SUSD1: variants seen among roughly 807,000 people sequenced by gnomAD.
The protein encoded by SUSD1 is sushi domain containing 1.
SUSD1 carries 65 observed loss-of-function variants against 86.9 expected under a neutral mutation model. The ratio of observed to expected loss-of-function variants is 0.75; its 90% CI spans 0.61 to 0.92. SUSD1 has a LOEUF of 0.92. Ranked by LOEUF, SUSD1 falls within the 40% of genes least tolerant of loss-of-function variation. The pLI is 0.00. For missense variants in SUSD1, 850 were observed against 929.7 expected (o/e 0.91, Z 1.11); for synonymous variants, 346 against 350.0 (o/e 0.99, Z 0.13).
At chr9:112,047,851 G>A (rs1828023573) in intron 15 of SUSD1, among the ~76,000 whole-genome samples, 1 of 152,154 alleles carries the variant, frequency 6.6e-6, no homozygotes, top group African/African-American at 2.4e-5. Flanking sequence ...CAGGCCAGAT[G>A]CAGTACTATG....
intron 5 of SUSD1, among the ~76,000 whole-genome samples, chr9:112,125,996 T>C (rs571603812): frequency 4.6e-5 from 7 of 152,288 alleles, no homozygotes; most frequent in Non-Finnish European, 8.8e-5. Context: ...TTCATGCATA[T>C]TCACCAGACA....
intron 1 of SUSD1, among the ~76,000 whole-genome samples, chr9:112,161,249 A>G (rs571144900): frequency 4.6e-5 from 7 of 151,884 alleles, no homozygotes; most frequent in African/African-American, 1.7e-4. Context: ...GCGTGGTGGC[A>G]CACACCTGTA....
intron 5 of SUSD1, among the ~76,000 whole-genome samples, chr9:112,129,682 T>C (rs1831931483): frequency 6.6e-6 from 1 of 152,230 alleles, no homozygotes; most frequent in South Asian, 2.1e-4. Context: ...CTTGCAGATT[T>C]AGTGTCTTTT....
At chr9:112,103,703 G>A (rs1333510655) in intron 8 of SUSD1, among the ~76,000 whole-genome samples, 3 of 152,186 alleles carry the variant, frequency 2.0e-5, no homozygotes, top group East Asian at 3.8e-4. Flanking sequence ...TGGAAAGAAG[G>A]GTCGGTTGCC....
intron 5 of SUSD1, among the ~76,000 whole-genome samples, chr9:112,140,122 G>A (rs1277016748): frequency 7.5e-6 from 1 of 132,554 alleles, no homozygotes; most frequent in East Asian, 1.9e-4. Context: ...CAGCACTTTG[G>A]GAGGCCGAGG....
intron 2 of SUSD1, 89 bp from the exon 3 acceptor site, chr9:112,149,488 G>A: frequency 6.9e-7 from 1 of 1,459,788 alleles, no homozygotes; most frequent in South Asian, 1.3e-5. Flanking sequence ...ATGGACTCGG[G>A]AACCAACGTT....
chr9:112,125,773 G>C (rs1831748009), intron 5 of SUSD1, among the ~76,000 whole-genome samples: 1 of 152,192 alleles, frequency 6.6e-6, no homozygotes, highest in Non-Finnish European at 1.5e-5. Flanking sequence ...CTTGGCCTTA[G>C]AAATAGATGG....
chr9:112,070,091 C>T (rs1829194805), intron 12 of SUSD1, among the ~76,000 whole-genome samples: 2 of 152,070 alleles, frequency 1.3e-5, no homozygotes, highest in South Asian at 2.1e-4. Flanking sequence ...CTGCAGCCTC[C>T]GCCTCCCGGG....
chr9:112,169,223 T>G (rs1034297049), intron 1 of SUSD1: 4 of 152,110 alleles, frequency 2.6e-5, no homozygotes, highest in African/African-American at 9.7e-5. Context: ...ATTCAAATTG[T>G]CATATATTTC....
chr9:112,136,282 G>A (rs935284078), intron 5 of SUSD1, among the ~76,000 whole-genome samples: 2 of 152,234 alleles, frequency 1.3e-5, no homozygotes, highest in Middle Eastern at 3.4e-3. Context: ...TGCCCAGGCT[G>A]GAGTGCAGTG....
chr9:112,121,523 A>C (rs1831554413), intron 6 of SUSD1, among the ~76,000 whole-genome samples: 1 of 152,208 alleles, frequency 6.6e-6, no homozygotes, highest in Admixed American at 6.5e-5. Flanking sequence ...GTGTATGCTA[A>C]ATAGATATCT....
chr9:112,048,664 A>G (rs951707351), intron 15 of SUSD1, among the ~76,000 whole-genome samples: 1 of 152,204 alleles, frequency 6.6e-6, no homozygotes, highest in African/African-American at 2.4e-5. Flanking sequence ...AAACAAGTGC[A>G]CACCCATTGC....
chr9:112,157,272 G>A (rs1319340023), intron 2 of SUSD1, among the ~76,000 whole-genome samples: 1 of 152,200 alleles, frequency 6.6e-6, no homozygotes, highest in East Asian at 1.9e-4. Flanking sequence ...AGTTTCCAGA[G>A]ATTCAAGTTC....
chr9:112,082,537 A>C (rs1331312649), intron 10 of SUSD1, among the ~76,000 whole-genome samples: 2 of 152,180 alleles, frequency 1.3e-5, no homozygotes, highest in African/African-American at 4.8e-5. Flanking sequence ...GCCACAAGCC[A>C]AGGAGTATAG....
In SUSD1 at chr9:112,041,508, G is replaced by T; in HGVS notation, c.*-16C>A. ...CATCTGCCATCTAGACATGGAGGAG[G>T]AAAAGAAAAGAGACAAATATGAACA... On this transcript the variant is annotated splice_polypyrimidine_tract_variant and intron_variant, in intron 16 of 16. Transcript: ENST00000374270. 1.3e-6 allele frequency: 1 copy of T among 781,024 alleles called. No individual in the cohort carries two copies. Among genetic ancestry groups the T allele is most frequent in the South Asian group, 1.3e-5 (1 of 74,616 alleles). The allele number at this position is 781,024 out of a possible 1,614,324, so 48.4% of individuals were successfully genotyped here. A position where few individuals can be genotyped will look rare whatever the true frequency, so the allele number is the denominator to read the frequency against.
chr9:112,126,127 G>T (rs1202112944), intron 5 of SUSD1, among the ~76,000 whole-genome samples: 1 of 152,180 alleles, frequency 6.6e-6, no homozygotes, highest in Non-Finnish European at 1.5e-5. Flanking sequence ...CAAAGAGATG[G>T]TTAATGTTTC....
chr9:112,110,088 C>T (rs535390066), intron 8 of SUSD1, among the ~76,000 whole-genome samples: 57 of 152,236 alleles, frequency 3.7e-4, no homozygotes, highest in African/African-American at 1.2e-3. Context: ...GTGGTTCACG[C>T]CTATAATCCC....
chr9:112,142,032 G>A (rs938839470), intron 5 of SUSD1, among the ~76,000 whole-genome samples: 2 of 150,494 alleles, frequency 1.3e-5, no homozygotes, highest in Non-Finnish European at 3.0e-5. Flanking sequence ...AATATTCAAA[G>A]GCAACACTAC....
intron 12 of SUSD1, among the ~76,000 whole-genome samples, chr9:112,072,636 T>G (rs1231976756): frequency 6.6e-6 from 1 of 151,938 alleles, no homozygotes; most frequent in Non-Finnish European, 1.5e-5. Context: ...AGCAAGAGGG[T>G]CTGGGAGACA....
Sources: allele counts gnomAD v4.1 joint callset (sites outside exome capture counted in the v4.1 genomes callset), GRCh38; gene constraint gnomAD v4.1.1; transcripts MANE v1.5; gene names NCBI Gene and HGNC (gene_info 2026-07-23, HGNC 2026-07-21).